RSU1: variants seen among roughly 807,000 people sequenced by gnomAD.
RSU1 encodes the protein Ras suppressor protein 1.
RSU1 carries 26 observed loss-of-function variants against 31.1 expected under a neutral mutation model. That is an observed-to-expected ratio of 0.84 (90% confidence interval 0.61 to 1.16). The LOEUF (loss-of-function observed/expected upper bound fraction) is 1.16. Among genes scored for constraint, RSU1 ranks in the 50% most tolerant of loss-of-function variants. The pLI, the probability that RSU1 is intolerant of heterozygous loss-of-function variation, is 0.00. For missense variants in RSU1, 320 were observed against 339.1 expected (o/e 0.94, Z 0.44); for synonymous variants, 164 against 136.3 (o/e 1.20, Z -1.41).
intron 8 of RSU1, among the ~76,000 whole-genome samples, chr10:16,687,056 G>C (rs1478248409): frequency 1.3e-5 from 2 of 152,244 alleles, no homozygotes; most frequent in Non-Finnish European, 2.9e-5. Flanking sequence ...AACCACATTA[G>C]AGGACCAGAG....
chr10:16,597,160 G>A (rs747767693), intron 8 of RSU1, among the ~76,000 whole-genome samples: 10 of 152,178 alleles, frequency 6.6e-5, no homozygotes, highest in Non-Finnish European at 1.2e-4. Flanking sequence ...GAATTGAGAG[G>A]AATTGACAAG....
intron 7 of RSU1, among the ~76,000 whole-genome samples, chr10:16,729,569 T>G (rs921659159): frequency 1.3e-5 from 2 of 152,192 alleles, no homozygotes; most frequent in Non-Finnish European, 2.9e-5. Flanking sequence ...CGCCCCCGTC[T>G]TCGCTACTCC....
Position 16,593,891 on chromosome 10 carries a change from G to C in RSU1, c.732-395C>G, listed in dbSNP as rs535187636. 5.3e-5 allele frequency among the ~76,000 whole-genome samples: 8 copies of C among 152,358 alleles called. No homozygotes were observed. In the East Asian group the frequency reaches 1.5e-3, roughly 29 times the overall value. On this transcript the variant is annotated intron_variant, in intron 8 of 8. Transcript: ENST00000345264. ...TGATGCTTGGCCCGAAAGCCCAGGG[G>C]CTGGCTAATGGGACAGAGAGCAATG...
intron 8 of RSU1, among the ~76,000 whole-genome samples, chr10:16,598,308 G>A (rs186208666): frequency 2.0e-5 from 3 of 152,268 alleles, no homozygotes; most frequent in Non-Finnish European, 4.4e-5. Flanking sequence ...GGAGGCCAAG[G>A]CGGGAGGATT....
At chr10:16,740,244 G>T (rs4748318) in intron 7 of RSU1, among the ~76,000 whole-genome samples, 27,562 of 151,700 alleles carry the variant, frequency 0.18, 2,605 homozygotes, top group Admixed American at 0.2. Context: ...TATATAAAAA[G>T]GAAGATACAA....
At position 16,695,142 on chromosome 10, in the gene RSU1, T is replaced by C. The variant is rs369201014; in HGVS notation, c.612A>G (p.Leu204=). 1 of 1,282,162 alleles carries C rather than the reference T, an allele frequency of 7.8e-7. No individual in the cohort carries two copies. The highest frequency in any genetic ancestry group is 1.1e-6 in the Non-Finnish European group (1 of 935,028). The allele number at this position is 1,282,162 out of a possible 1,614,324, so 79.4% of individuals were successfully genotyped here. The change falls in exon 8 of 9, where the codon TTA becomes TTG. Residue 204 remains leucine (L), a synonymous_variant. Coordinates refer to ENST00000345264, the MANE Select transcript of RSU1 (RefSeq NM_012425.4). The part of the protein sequence containing the change: ...VLPPELGNLD[L]TGQKQVFKAE... ...CTTTGAATACCTGCTTCTGGCCAGTTAAATCCAAGTTTCCTGGGGGGGGGG... is the reference window on the plus strand; with the variant it reads ...CTTTGAATACCTGCTTCTGGCCAGTCAAATCCAAGTTTCCTGGGGGGGGGG...
Position 16,783,364 on chromosome 10 carries a change from C to CTTTTTTTTTTTTTTTTTT in RSU1, c.110-1281_110-1280insAAAAAAAAAAAAAAAAAA, listed in dbSNP as rs57270890. Among the ~76,000 whole-genome samples the CTTTTTTTTTTTTTTTTTT allele has an allele frequency of 2.7e-4, 36 of 132,042 alleles. 2 individuals are homozygous for CTTTTTTTTTTTTTTTTTT. Among genetic ancestry groups the CTTTTTTTTTTTTTTTTTT allele is most frequent in the African/African-American group, 3.5e-4 (11 of 30,992 alleles). The allele number at this position is 132,042 out of a possible 152,430, so 86.6% of individuals were successfully genotyped here. A position where few individuals can be genotyped will look rare whatever the true frequency, so the allele number is the denominator to read the frequency against. On this transcript the variant is annotated intron_variant, in intron 2 of 8. Coordinates refer to ENST00000345264, the MANE Select transcript of RSU1 (RefSeq NM_012425.4). ...TCACTTCTACTGACCACAACTTTTGCTTTTTTTTTTGAGACTGAGTCTCAC... is the reference window on the plus strand; with the variant it reads ...TCACTTCTACTGACCACAACTTTTGCTTTTTTTTTTTTTTTTTTTTTTTTTTTTGAGACTGAGTCTCAC...
chr10:16,802,323 A>C (rs1178269245), intron 2 of RSU1, among the ~76,000 whole-genome samples: 2 of 152,128 alleles, frequency 1.3e-5, no homozygotes, highest in African/African-American at 4.8e-5. Context: ...GTTATAACTT[A>C]GATAAAATGG....
chr10:16,767,959 C>G (rs1837348205), intron 3 of RSU1, among the ~76,000 whole-genome samples: 1 of 152,148 alleles, frequency 6.6e-6, no homozygotes, highest in Non-Finnish European at 1.5e-5. Flanking sequence ...TTTAGGTATT[C>G]CAAAAAGGCC....
Position 16,698,113 on chromosome 10 carries a change from G to A in RSU1, c.599-2958C>T, listed in dbSNP as rs1564321871. Reference sequence around the variant, plus strand: ...ACTGTATTTTCAGGGCCCTTGGCAAGCATGAGAACAACGTGGAGCAGGGAA... The same window carrying A: ...ACTGTATTTTCAGGGCCCTTGGCAAACATGAGAACAACGTGGAGCAGGGAA... On this transcript the variant is annotated intron_variant, in intron 7 of 8. Coordinates refer to ENST00000345264, the MANE Select transcript of RSU1 (RefSeq NM_012425.4). Among the ~76,000 whole-genome samples the A allele has an allele frequency of 2.7e-5, 4 of 149,522 alleles. No individual in the cohort carries two copies. In the South Asian group the frequency reaches 8.5e-4, roughly 32 times the overall value.
intron 8 of RSU1, among the ~76,000 whole-genome samples, chr10:16,636,055 C>G (rs1834339606): frequency 1.3e-5 from 2 of 152,196 alleles, no homozygotes; most frequent in African/African-American, 4.8e-5. Context: ...CTGCTGGTGC[C>G]TCCAGGCTTG....
Position 16,645,957 on chromosome 10 carries a change from CATATATGT to C in RSU1, c.731+49058_731+49065del, listed in dbSNP as rs1564298411. 5.5e-5 allele frequency among the ~76,000 whole-genome samples: 2 copies of C among 36,352 alleles called. 1 individual carries two copies. Among genetic ancestry groups the C allele is most frequent in the Admixed American group, 5.8e-4 (2 of 3,452 alleles). The allele number at this position is 36,352 out of a possible 152,430, so 23.8% of individuals were successfully genotyped here. A position where few individuals can be genotyped will look rare whatever the true frequency, so the allele number is the denominator to read the frequency against. ...ATATGTGTATATATATGTGTATATACATATATGTGTATATATATGTGTATATACATATA... is the reference window on the plus strand; with the variant it reads ...ATATGTGTATATATATGTGTATATACGTATATATATGTGTATATACATATA... On this transcript the variant is annotated intron_variant, in intron 8 of 8. Coordinates refer to ENST00000345264, the MANE Select transcript of RSU1 (RefSeq NM_012425.4).
intron 8 of RSU1, among the ~76,000 whole-genome samples, chr10:16,660,968 ATG>A (rs967811697): frequency 1.3e-5 from 2 of 151,886 alleles, no homozygotes; most frequent in Non-Finnish European, 2.9e-5. Flanking sequence ...CTCTTCATTT[ATG>A]TGTAATACCC....
chr10:16,641,464 C>A (rs991775963), intron 8 of RSU1, among the ~76,000 whole-genome samples: 1 of 146,262 alleles, frequency 6.8e-6, no homozygotes, highest in South Asian at 2.1e-4. Context: ...TGCACTCCAG[C>A]GTGGGCAACA....
At chr10:16,781,182 A>C (rs1837641125) in intron 3 of RSU1, among the ~76,000 whole-genome samples, 1 of 152,176 alleles carries the variant, frequency 6.6e-6, no homozygotes, top group Admixed American at 6.5e-5. Context: ...GGCAAGCAAA[A>C]AGAACTGAGT....
intron 8 of RSU1, among the ~76,000 whole-genome samples, chr10:16,607,504 T>G (rs1379244189): frequency 6.6e-6 from 1 of 152,168 alleles, no homozygotes; most frequent in African/African-American, 2.4e-5. Flanking sequence ...CAGGGTGATT[T>G]GCATTTCCCC....
chr10:16,705,638 G>A (rs1161753314), intron 7 of RSU1, among the ~76,000 whole-genome samples: 1 of 152,022 alleles, frequency 6.6e-6, no homozygotes, highest in Non-Finnish European at 1.5e-5. Context: ...ACAGGCGAGT[G>A]CCACCACACT....
intron 4 of RSU1, among the ~76,000 whole-genome samples, 159 bp downstream of exon 4, chr10:16,764,231 T>C (rs1221858448): frequency 6.6e-6 from 1 of 152,190 alleles, no homozygotes; most frequent in Non-Finnish European, 1.5e-5. Flanking sequence ...ACTGAAAGAA[T>C]ATATTAAAAC....
intron 8 of RSU1, among the ~76,000 whole-genome samples, chr10:16,641,730 C>T (rs1018078296): frequency 1.3e-5 from 2 of 152,178 alleles, no homozygotes; most frequent in Non-Finnish European, 2.9e-5. Context: ...TCAACTTCTG[C>T]TACTACCCAG....
Sources: gnomAD v4.1 joint callset for allele counts (sites outside exome capture counted in the v4.1 genomes callset) on GRCh38, gnomAD v4.1.1 for gene constraint, MANE v1.5 for transcripts, NCBI Gene and HGNC (gene_info 2026-07-23, HGNC 2026-07-21) for gene names.